The following PPP2R3A variants were observed in gnomAD, a reference collection of about 807,000 sequenced individuals.
PPP2R3A encodes protein phosphatase 2 regulatory subunit B''alpha.
PPP2R3A carries 80 observed loss-of-function variants against 106.9 expected under a neutral mutation model. The observed-to-expected ratio is 0.75, with a 90% CI of 0.62 to 0.90. The LOEUF (loss-of-function observed/expected upper bound fraction) is 0.90. Ranked by LOEUF, PPP2R3A falls within the 40% of genes least tolerant of loss-of-function variation. The pLI is 0.00. For missense variants in PPP2R3A, 1,386 were observed against 1,350.4 expected (o/e 1.03, Z -0.41); for synonymous variants, 483 against 468.3 (o/e 1.03, Z -0.41).
chr3:136,063,332 T>A (rs180844669), intron 5 of PPP2R3A, among the ~76,000 whole-genome samples: 1 of 152,284 alleles, frequency 6.6e-6, no homozygotes, highest in East Asian at 1.9e-4. Context: ...GAAGAAAACC[T>A]AGGCAATACC....
chr3:136,011,090 C>T (rs576076642), intron 2 of PPP2R3A, among the ~76,000 whole-genome samples: 8 of 152,226 alleles, frequency 5.3e-5, no homozygotes, highest in African/African-American at 1.7e-4. Flanking sequence ...ACAACACCCC[C>T]ACCCCATACC....
At chr3:136,112,626 C>A (rs924759495) in intron 13 of PPP2R3A, among the ~76,000 whole-genome samples, 1 of 152,082 alleles carries the variant, frequency 6.6e-6, no homozygotes, top group African/African-American at 2.4e-5. Flanking sequence ...CAAAAGAAAT[C>A]ACAGACAACA....
intron 1 of PPP2R3A, among the ~76,000 whole-genome samples, chr3:135,973,695 C>G (rs1457421361): frequency 6.6e-6 from 1 of 152,100 alleles, no homozygotes; most frequent in Admixed American, 6.5e-5. Context: ...ACCAAGAATC[C>G]TCATGTTTCA....
intron 13 of PPP2R3A, among the ~76,000 whole-genome samples, chr3:136,125,510 ATCTTG>A (rs1938147094): frequency 1.3e-5 from 2 of 152,276 alleles, no homozygotes; most frequent in South Asian, 2.1e-4. Flanking sequence ...AGACAAAGAC[ATCTTG>A]TCTTGTGTAT....
chr3:136,001,245 T>C lies in PPP2R3A; in HGVS notation c.-254T>C. On this transcript the variant is annotated 5_prime_UTR_variant, in exon 2 of 14. Transcript: ENST00000264977. ...TCAAAATAATTCTGCAGTATCATAATATTACTAAATAAAATTAAAAAGCAC... is the reference window on the plus strand; with the variant it reads ...TCAAAATAATTCTGCAGTATCATAACATTACTAAATAAAATTAAAAAGCAC... 2 of 482,726 alleles carry C rather than the reference T, an allele frequency of 4.1e-6. No homozygotes were observed. Among genetic ancestry groups the C allele is most frequent in the Non-Finnish European group, 7.2e-6 (2 of 276,992 alleles). The allele number at this position is 482,726 out of a possible 1,614,324, so 29.9% of individuals were successfully genotyped here.
At chr3:136,136,045 CAAAAAAAAAA>C (rs34558229) in intron 13 of PPP2R3A, among the ~76,000 whole-genome samples, 2 of 22,364 alleles carry the variant, frequency 8.9e-5, no homozygotes, top group African/African-American at 1.6e-4. Context: ...GACTCCGTCT[CAAAAAAAAAA>C]AAAAAAAAAA....
chr3:136,091,280 G>A (rs75344173), intron 10 of PPP2R3A, among the ~76,000 whole-genome samples: 6,724 of 152,200 alleles, frequency 0.044, 517 homozygotes, highest in African/African-American at 0.15. Context: ...TGCAGGTACA[G>A]CTAACTCAAC....
chr3:136,050,806 A>G (rs1305469856), intron 5 of PPP2R3A, among the ~76,000 whole-genome samples: 1 of 151,972 alleles, frequency 6.6e-6, no homozygotes. Context: ...CCTTGCTTGT[A>G]TTGTCTGCTT....
intron 2 of PPP2R3A, among the ~76,000 whole-genome samples, chr3:136,015,526 T>A (rs1445467058): frequency 2.6e-5 from 4 of 152,110 alleles, no homozygotes; most frequent in Non-Finnish European, 4.4e-5. Context: ...TTCTGTTTCT[T>A]CCTAGTTTAA....
intron 1 of PPP2R3A, among the ~76,000 whole-genome samples, chr3:135,968,492 CAG>C (rs1418550900): frequency 1.3e-5 from 2 of 152,146 alleles, no homozygotes; most frequent in Non-Finnish European, 2.9e-5. Flanking sequence ...AAGAAAGGAA[CAG>C]GGCCGCTTTT....
intron 1 of PPP2R3A, among the ~76,000 whole-genome samples, chr3:135,978,395 A>G (rs772899270): frequency 2.6e-5 from 4 of 151,846 alleles, no homozygotes; most frequent in Non-Finnish European, 5.9e-5. Context: ...TGAAAGACCC[A>G]ATGTGGTATT....
chr3:136,023,719 G>A (rs1039712499), intron 2 of PPP2R3A, among the ~76,000 whole-genome samples: 1 of 152,056 alleles, frequency 6.6e-6, no homozygotes, highest in Non-Finnish European at 1.5e-5. Context: ...GTGTATGTGT[G>A]TGTCGTAATG....
intron 2 of PPP2R3A, 95 bp downstream of exon 2, chr3:136,003,588 TG>T (rs1327392951): frequency 8.4e-7 from 1 of 1,185,060 alleles, no homozygotes; most frequent in African/African-American, 1.6e-5. Context: ...AGCCATTTTT[TG>T]TTCTACTAAA....
At chr3:136,003,598 A>G in intron 2 of PPP2R3A, 105 bp downstream of exon 2, 1 of 1,016,892 alleles carries the variant, frequency 9.8e-7, no homozygotes, top group East Asian at 2.6e-5. Flanking sequence ...TGTTCTACTA[A>G]AGCTCTGCCC....
At chr3:136,075,292 T>G (rs1044400878) in intron 6 of PPP2R3A, among the ~76,000 whole-genome samples, 8 of 152,228 alleles carry the variant, frequency 5.3e-5, no homozygotes, top group Non-Finnish European at 1.0e-4. Flanking sequence ...TAATTATGAT[T>G]TATTGTAAAA....
chr3:136,072,140 G>C (rs973432533), intron 6 of PPP2R3A, among the ~76,000 whole-genome samples: 1 of 151,766 alleles, frequency 6.6e-6, no homozygotes, highest in African/African-American at 2.4e-5. Context: ...TCCATCTCCT[G>C]TCATCTGATA....
At chr3:136,104,003 A>T (rs1000060470) in intron 12 of PPP2R3A, among the ~76,000 whole-genome samples, 1 of 152,218 alleles carries the variant, frequency 6.6e-6, no homozygotes, top group African/African-American at 2.4e-5. Context: ...CCTTGTTCTT[A>T]CCATTCCTCT....
rs1559940225 is a variant in PPP2R3A at position 136,136,070 on chromosome 3, A to AT, written c.3330-8973_3330-8972insT. Among the ~76,000 whole-genome samples the AT allele has an allele frequency of 4.9e-3, 129 of 26,478 alleles. 2 individuals carry two copies. Among genetic ancestry groups the AT allele is most frequent in the East Asian group, 0.035 (9 of 256 alleles). 17.4% of individuals were successfully genotyped at this position (26,478 alleles called of 152,430 possible). A position where few individuals can be genotyped will look rare whatever the true frequency, so the allele number is the denominator to read the frequency against. ...CAAAAAAAAAAAAAAAAAAAAAAAA[A>AT]AAATTATATATATATATATATATAA... On this transcript the variant is annotated intron_variant, in intron 13 of 13. Coordinates refer to ENST00000264977, the MANE Select transcript of PPP2R3A (RefSeq NM_002718.5).
chr3:136,033,870 T>A (rs1934992554), intron 3 of PPP2R3A, among the ~76,000 whole-genome samples: 3 of 151,974 alleles, frequency 2.0e-5, no homozygotes, highest in Admixed American at 2.0e-4. Flanking sequence ...ATTTTTTTTC[T>A]TTTGTATTAT....
Sources: allele counts gnomAD v4.1 joint callset (sites outside exome capture counted in the v4.1 genomes callset), GRCh38; gene constraint gnomAD v4.1.1; transcripts MANE v1.5; gene names NCBI Gene and HGNC (gene_info 2026-07-23, HGNC 2026-07-21).